The following PCSK5 variants were observed in gnomAD, a reference collection of about 807,000 sequenced individuals.
PCSK5 encodes proprotein convertase subtilisin/kexin type 5.
A neutral mutation model predicts 233.2 loss-of-function variants in PCSK5; 129 were observed. The ratio of observed to expected loss-of-function variants is 0.55; its 90% CI spans 0.48 to 0.64. The LOEUF (loss-of-function observed/expected upper bound fraction) is 0.64. Ranked by LOEUF, PCSK5 falls within the 30% of genes least tolerant of loss-of-function variation. The pLI is 0.00. For synonymous variants in PCSK5, 825 were observed against 879.2 expected, an observed-to-expected ratio of 0.94 and a Z score of 1.09; for missense variants, 2,076 against 2,430.1, an observed-to-expected ratio of 0.85 and a Z score of 3.06.
intron 27 of PCSK5, among the ~76,000 whole-genome samples, chr9:76,297,277 C>G (rs1828469180): frequency 6.6e-6 from 1 of 152,180 alleles, no homozygotes; most frequent in African/African-American, 2.4e-5. Flanking sequence ...GAAAATTTTA[C>G]CTGTAGGGTA....
At chr9:76,009,744 C>T (rs1827649191) in intron 3 of PCSK5, among the ~76,000 whole-genome samples, 2 of 151,860 alleles carry the variant, frequency 1.3e-5, no homozygotes, top group Admixed American at 1.3e-4. Flanking sequence ...GCAGTGAAAG[C>T]TAGATTGATA....
chr9:76,007,796 TTGTGTGTG>T (rs59860078), intron 3 of PCSK5, among the ~76,000 whole-genome samples: 1,394 of 128,294 alleles, frequency 0.011, 35 homozygotes, highest in African/African-American at 0.038. Flanking sequence ...CCGGCTAATT[TTGTGTGTG>T]TGTGTGTGTG....
chr9:76,255,331 T>C (rs1826949306), intron 24 of PCSK5, among the ~76,000 whole-genome samples: 1 of 152,118 alleles, frequency 6.6e-6, no homozygotes, highest in Non-Finnish European at 1.5e-5. Context: ...TGACTAATTC[T>C]AATGTGCAAC....
chr9:76,172,379 A>G (rs1388265798), intron 13 of PCSK5, among the ~76,000 whole-genome samples: 1 of 152,190 alleles, frequency 6.6e-6, no homozygotes, highest in Non-Finnish European at 1.5e-5. Context: ...GAGGAGAAAA[A>G]AAAATGATGG....
intron 3 of PCSK5, among the ~76,000 whole-genome samples, chr9:76,014,432 C>T (rs939848123): frequency 6.6e-6 from 1 of 152,164 alleles, no homozygotes; most frequent in African/African-American, 2.4e-5. Context: ...GATTCATAGC[C>T]AGGAAGAAAG....
At chr9:76,040,954 A>G (rs1829092700) in intron 5 of PCSK5, among the ~76,000 whole-genome samples, 3 of 152,192 alleles carry the variant, frequency 2.0e-5, no homozygotes, top group African/African-American at 2.4e-5. Flanking sequence ...AACACAGTGC[A>G]GTTAAAACAA....
At chr9:76,133,864 T>C (rs911670006) in intron 9 of PCSK5, among the ~76,000 whole-genome samples, 3 of 152,024 alleles carry the variant, frequency 2.0e-5, no homozygotes, top group Non-Finnish European at 4.4e-5. Context: ...TAAGTTACCC[T>C]GACTACAGTC....
chr9:76,316,740 C>CA (rs58485029), intron 30 of PCSK5, among the ~76,000 whole-genome samples: 1,840 of 64,550 alleles, frequency 0.029, 217 homozygotes, highest in African/African-American at 0.058. Flanking sequence ...CTTGTCTCAC[C>CA]AAAAAAAAAA....
At chr9:76,119,824 G>A (rs929532318) in intron 9 of PCSK5, among the ~76,000 whole-genome samples, 1 of 151,756 alleles carries the variant, frequency 6.6e-6, no homozygotes, top group African/African-American at 2.4e-5. Context: ...ATTTTTAAAC[G>A]TACAATTAAG....
intron 5 of PCSK5, among the ~76,000 whole-genome samples, chr9:76,054,349 T>C (rs1829746680): frequency 6.6e-6 from 1 of 152,234 alleles, no homozygotes; most frequent in Non-Finnish European, 1.5e-5. Flanking sequence ...TATTTTCTGA[T>C]AAACCAAGCT....
At chr9:76,240,431 C>T (rs777500528) in intron 23 of PCSK5, among the ~76,000 whole-genome samples, 185 bp from the exon 24 acceptor site, 1 of 152,186 alleles carries the variant, frequency 6.6e-6, no homozygotes, top group African/African-American at 2.4e-5. Flanking sequence ...CTGATTCAAT[C>T]TATTCAATTA....
chr9:75,935,330 G>C (rs1451597553), intron 2 of PCSK5, among the ~76,000 whole-genome samples: 1 of 152,202 alleles, frequency 6.6e-6, no homozygotes, highest in Admixed American at 6.5e-5. Context: ...GCCTCCCAGA[G>C]TGCTGGGATT....
At chr9:75,979,850 G>C (rs972653840) in intron 2 of PCSK5, among the ~76,000 whole-genome samples, 1 of 151,994 alleles carries the variant, frequency 6.6e-6, no homozygotes, top group African/African-American at 2.4e-5. Flanking sequence ...TTTACTTTTT[G>C]CATCATTTAA....
At chr9:76,126,692 C>T (rs932583791) in intron 9 of PCSK5, among the ~76,000 whole-genome samples, 3 of 152,000 alleles carry the variant, frequency 2.0e-5, no homozygotes, top group African/African-American at 4.8e-5. Flanking sequence ...GACACGGAGA[C>T]AAAATACTGC....
intron 2 of PCSK5, among the ~76,000 whole-genome samples, chr9:75,965,568 A>T (rs1028675769): frequency 6.6e-6 from 1 of 152,136 alleles, no homozygotes; most frequent in Non-Finnish European, 1.5e-5. Context: ...CCATCAGTGG[A>T]TTGAGTGATG....
chr9:76,039,697 CAA>C (rs1829011428), intron 5 of PCSK5, among the ~76,000 whole-genome samples: 1 of 152,164 alleles, frequency 6.6e-6, no homozygotes, highest in South Asian at 2.1e-4. Flanking sequence ...TTTAAAAATG[CAA>C]TACACAAGAA....
At chr9:76,066,023 G>A (rs1190071780) in intron 5 of PCSK5, among the ~76,000 whole-genome samples, 1 of 152,024 alleles carries the variant, frequency 6.6e-6, no homozygotes, top group East Asian at 1.9e-4. Flanking sequence ...CTGTTTTTAT[G>A]CTAGTACCAT....
intron 8 of PCSK5, among the ~76,000 whole-genome samples, chr9:76,105,224 A>G (rs1329425178): frequency 1.3e-5 from 2 of 152,228 alleles, no homozygotes; most frequent in Admixed American, 6.5e-5. Flanking sequence ...ATCCTGTCAT[A>G]TGGTACAATA....
At chr9:76,073,994 A>G (rs1830562157) in intron 7 of PCSK5, among the ~76,000 whole-genome samples, 1 of 152,212 alleles carries the variant, frequency 6.6e-6, no homozygotes, top group Non-Finnish European at 1.5e-5. Flanking sequence ...ATATTTAGAA[A>G]TAATTTGGAG....
Sources: allele counts gnomAD v4.1 joint callset (sites outside exome capture counted in the v4.1 genomes callset), GRCh38; gene constraint gnomAD v4.1.1; transcripts MANE v1.5; gene names NCBI Gene and HGNC (gene_info 2026-07-23, HGNC 2026-07-21).